The following GGT1 variants were observed in gnomAD, a reference collection of about 807,000 sequenced individuals.
GGT1 encodes the protein gamma-glutamyltransferase 1.
Under a neutral mutation model 56.0 loss-of-function variants are expected in GGT1, and 21 were observed. That is an observed-to-expected ratio of 0.38 (90% CI 0.27 to 0.54). GGT1 has a LOEUF of 0.54. GGT1 is among the 20% of genes least tolerant of loss of function. GGT1 has a pLI of 0.82. For missense variants in GGT1, 466 were observed against 787.0 expected, an observed-to-expected ratio of 0.59 and a Z score of 4.88; for synonymous variants, 238 against 342.6, an observed-to-expected ratio of 0.69 and a Z score of 3.37.
At chr22:24,601,717 T>C (rs527631078), upstream of GGT1, among the ~76,000 whole-genome samples, 7 of 152,336 alleles carry the variant, frequency 4.6e-5, no homozygotes, top group East Asian at 1.4e-3. Flanking sequence ...TGTGGGCTGC[T>C]GGTGCCAGCA....
chr22:24,619,363 A>AC (rs1371627993), intron 7 of GGT1, among the ~76,000 whole-genome samples: 2 of 145,350 alleles, frequency 1.4e-5, no homozygotes, highest in Non-Finnish European at 3.0e-5. Context: ...GTGCCATTGC[A>AC]CTCCAGCCTG....
intron 9 of GGT1, among the ~76,000 whole-genome samples, chr22:24,622,294 G>A (rs1448312751): frequency 6.6e-6 from 1 of 152,148 alleles, no homozygotes; most frequent in Non-Finnish European, 1.5e-5. Context: ...GCCGGGCATG[G>A]TGGCTCACGC....
chr22:24,587,076 C>G, the GGT1 span, among the ~76,000 whole-genome samples: 5 of 152,322 alleles, frequency 3.3e-5, no homozygotes, highest in South Asian at 1.0e-3. Context: ...AAGCGGGGAA[C>G]CAGGTCCTCA....
intron 2 of GGT1, 94 bp from the exon 3 acceptor site, chr22:24,609,871 G>T (rs2046554630): frequency 2.5e-6 from 1 of 403,316 alleles, no homozygotes; most frequent in African/African-American, 2.1e-5. Flanking sequence ...GCCTCCTGGG[G>T]GTGTCCCCAG....
At chr22:24,616,115 A>C (rs1048980625) in intron 7 of GGT1, 1 of 151,778 alleles carries the variant, frequency 6.6e-6, no homozygotes, top group African/African-American at 2.4e-5. Flanking sequence ...CCCTGCCAAA[A>C]AAAAAAAAAA....
intron 1 of GGT1, among the ~76,000 whole-genome samples, chr22:24,597,230 C>T (rs920150415): frequency 1.3e-5 from 2 of 152,016 alleles, no homozygotes; most frequent in Non-Finnish European, 2.9e-5. Context: ...TGATCCACCC[C>T]TGTCAGCCTC....
intron 1 of GGT1, 150 bp downstream of exon 1, chr22:24,603,677 G>C (rs1254771298): frequency 1.3e-5 from 2 of 152,238 alleles, no homozygotes; most frequent in Non-Finnish European, 2.9e-5. Flanking sequence ...AGAAGCTCTT[G>C]AGAGAGCCGT....
In GGT1 at chr22:24,620,537, G is replaced by A. The variant is rs1017846263; in HGVS notation, c.575+17G>A. ...TGTCTTGTGGTATGTCTGTGGGTGC[G>A]GCCCCCTGACACAGGCAGGGCAGGC... On this transcript the variant is annotated intron_variant, in intron 8 of 15. Transcript: ENST00000400382. The surrounding 1 kb of genome is among the most constrained non-coding windows in gnomAD (Gnocchi z 5.6). 46 of 1,610,216 alleles carry A rather than the reference G, an allele frequency of 2.9e-5. No homozygotes were observed. Among genetic ancestry groups the A allele is most frequent in the African/African-American group, 4.0e-5 (3 of 74,860 alleles).
chr22:24,591,585 TGGACCTCAA>T (rs2147171698), upstream of GGT1, among the ~76,000 whole-genome samples: 1 of 152,358 alleles, frequency 6.6e-6, no homozygotes, highest in South Asian at 2.1e-4. Flanking sequence ...AGGCCCCGGC[TGGACCTCAA>T]ATCCCAACCT....
At chr22:24,587,456 C>A in the GGT1 span, among the ~76,000 whole-genome samples, 1 of 152,226 alleles carries the variant, frequency 6.6e-6, no homozygotes, top group Non-Finnish European at 1.5e-5. Context: ...CCCCACCAGC[C>A]ATGGCAGGGA....
At chr22:24,624,779 C>A (rs200219598) in intron 11 of GGT1, 1 of 449,456 alleles carries the variant, frequency 2.2e-6, no homozygotes, top group South Asian at 9.2e-5. Flanking sequence ...GCTCTAGAAA[C>A]TTCTATCTGC....
chr22:24,618,506 G>A lies in GGT1; in HGVS notation c.383-1822G>A, dbSNP rs572965057. ...CTCGGGAGGCTGAGGCAGGAGAATCGCTTGAACCTGGGAGGCGGAGGTTGT... is the reference window on the plus strand; with the variant it reads ...CTCGGGAGGCTGAGGCAGGAGAATCACTTGAACCTGGGAGGCGGAGGTTGT... On this transcript the variant is annotated intron_variant, in intron 7 of 15. Transcript: ENST00000400382. 9.2e-5 allele frequency among the ~76,000 whole-genome samples: 14 copies of A among 152,304 alleles called. No homozygotes were observed. In the East Asian group the frequency reaches 2.1e-3, roughly 23 times the overall value.
intron 5 of GGT1, among the ~76,000 whole-genome samples, chr22:24,613,142 C>G (rs2046826248): frequency 6.6e-6 from 1 of 152,158 alleles, no homozygotes; most frequent in South Asian, 2.1e-4. Context: ...GTGGCATGAT[C>G]ATAGCTCACT....
At chr22:24,596,586 G>A (rs1471990104) in intron 1 of GGT1, among the ~76,000 whole-genome samples, 5 of 151,896 alleles carry the variant, frequency 3.3e-5, no homozygotes, top group African/African-American at 9.7e-5. Flanking sequence ...CACCATGCCC[G>A]GCTCACATGG....
rs2046170912 is a variant in GGT1, at chr22:24,605,698, TTA to T, written c.-429+2172_-429+2173del. 6.7e-5 allele frequency among the ~76,000 whole-genome samples: 4 copies of T among 59,800 alleles called. 2 individuals are homozygous for T. Among genetic ancestry groups the T allele is most frequent in the African/African-American group, 4.4e-4 (4 of 9,186 alleles). The allele number at this position is 59,800 out of a possible 152,430, so 39.2% of individuals were successfully genotyped here. A position where few individuals can be genotyped will look rare whatever the true frequency, so the allele number is the denominator to read the frequency against. ...ATATTATATAATGTGTATTATATAT[TTA>T]ATATTATATAATGTGTATTATATAT... On this transcript the variant is annotated intron_variant, in intron 1 of 15. Coordinates refer to ENST00000400382, the MANE Select transcript of GGT1 (RefSeq NM_001288833.2).
upstream of GGT1, chr22:24,589,971 T>C (rs751405456): frequency 1.8e-5 from 28 of 1,562,716 alleles, no homozygotes; most frequent in African/African-American, 1.1e-4. Context: ...GAAGAGAGAG[T>C]TGAGTGAGCC....
chr22:24,627,911 A>T lies in GGT1; in HGVS notation c.1268A>T (p.Asp423Val). 1 of 1,613,570 alleles carries T rather than the reference A, an allele frequency of 6.2e-7. No individual in the cohort carries two copies. Among genetic ancestry groups the T allele is most frequent in the Non-Finnish European group, 8.5e-7 (1 of 1,179,796 alleles). ...ATCCTGTTCAATAATGAAATGGACG[A>T]CTTCAGCTCTCCCAGCATCACCAAC... ...SGILFNNEMD[D>V]FSSPSITNEF... The change falls in exon 13 of 16, where the codon GAC (aspartate) becomes GTC (valine). Residue 423 changes from aspartate (D) to valine (V), a missense_variant. Physicochemically the swap from Asp to Val is radical, Grantham distance 152. Around this residue, in one of 2 missense-constraint regions of GGT1, gnomAD observed 456 missense variants for 716.7 expected, o/e 0.64. Transcript: ENST00000400382.
intron 1 of GGT1, among the ~76,000 whole-genome samples, chr22:24,595,360 C>T (rs761730873): frequency 9.2e-5 from 14 of 152,184 alleles, no homozygotes; most frequent in Non-Finnish European, 1.9e-4. Context: ...GCTCTCCCCT[C>T]AGGCATGGGG....
chr22:24,585,530 A>T, the GGT1 span: 29 of 293,288 alleles, frequency 9.9e-5, no homozygotes, highest in East Asian at 1.4e-3. Flanking sequence ...GGTCAGTGTG[A>T]CCTTTGTCCC....
Sources: gnomAD v4.1 joint callset for allele counts (sites outside exome capture counted in the v4.1 genomes callset) on GRCh38, gnomAD v4.1.1 for gene constraint, gnomAD v4.1.1 regional missense constraint, Gnocchi (gnomAD v3.1) non-coding constraint, MANE v1.5 for transcripts, NCBI Gene and HGNC (gene_info 2026-07-23, HGNC 2026-07-21) for gene names.